The following STARD9 variants were observed in gnomAD, a reference collection of about 807,000 sequenced individuals.
STARD9 encodes the protein stAR-related lipid transfer protein 9.
A neutral mutation model predicts 399.8 loss-of-function variants in STARD9; 346 were observed. That is an observed-to-expected ratio of 0.87 (90% CI 0.79 to 0.95). The LOEUF (loss-of-function observed/expected upper bound fraction) is 0.95, where lower values mean the gene tolerates loss of function less well. Among genes scored for constraint, STARD9 ranks in the 40% least tolerant of loss-of-function variants. The pLI is 0.00. For synonymous variants in STARD9, 2,203 were observed against 2,143.5 expected, an observed-to-expected ratio of 1.03 and a Z score of -0.77; for missense variants, 5,832 against 5,667.5, an observed-to-expected ratio of 1.03 and a Z score of -0.93.
At chr15:42,587,597 G>T (rs558664059) in intron 3 of STARD9, among the ~76,000 whole-genome samples, 33 of 151,946 alleles carry the variant, frequency 2.2e-4, no homozygotes, top group African/African-American at 6.3e-4. Flanking sequence ...ATGGAGTTTC[G>T]CTCTTGTTGC....
intron 15 of STARD9, among the ~76,000 whole-genome samples, chr15:42,667,476 CTTGG>C: frequency 6.6e-6 from 1 of 151,190 alleles, no homozygotes; most frequent in East Asian, 2.0e-4. Flanking sequence ...AGCCACCGCA[CTTGG>C]CCTATTTTTT....
rs1017723078 is a variant in STARD9, at chr15:42,575,834, C to T, written c.47+72C>T. 5 of 1,456,456 alleles carry T rather than the reference C, an allele frequency of 3.4e-6. 1 individual carries two copies. The South Asian group carries it at 4.8e-5, about 14-fold the overall frequency. The allele number at this position is 1,456,456 out of a possible 1,614,324, so 90.2% of individuals were successfully genotyped here. On this transcript the variant is annotated intron_variant, in intron 1 of 32. Transcript: ENST00000290607. ...AAGAGCGGGAGGTCCGCGTCTCCCC[C>T]TGCAGAGATTCTGGCGCGCAGAAAT... is the stretch of plus-strand genomic sequence containing the variant.
At chr15:42,713,724 T>A (rs2061295227) in intron 26 of STARD9, among the ~76,000 whole-genome samples, 1 of 152,196 alleles carries the variant, frequency 6.6e-6, no homozygotes, top group Non-Finnish European at 1.5e-5. Flanking sequence ...GCCCTGTGTT[T>A]CTGTGATAAA....
At chr15:42,631,600 T>A (rs569971464) in intron 3 of STARD9, among the ~76,000 whole-genome samples, 1 of 152,104 alleles carries the variant, frequency 6.6e-6, no homozygotes, top group African/African-American at 2.4e-5. Flanking sequence ...AAAGAAATTT[T>A]AAAATTTTCT....
rs968973749 is a variant in STARD9 at position 42,694,286 on chromosome 15, G to A, written c.12708G>A (p.Gly4236=). ...TCCAGGTGCTGCAGAGTGGGACAGG[G>A]GAGGCGCTTGCTGCTGATGAACCTG... ...ALLQVLQSGT[G]EALAADEPVT... is the part of the protein sequence containing the mutation. Residue 4236 remains glycine, a synonymous_variant, in exon 23 of 33, where the codon GGG becomes GGA. Transcript: ENST00000290607. 6.6e-7 allele frequency: 1 copy of A among 1,519,252 alleles called. No homozygotes were observed. Among genetic ancestry groups the A allele is most frequent in the Non-Finnish European group, 8.8e-7 (1 of 1,137,514 alleles). 94.1% of individuals were successfully genotyped at this position (1,519,252 alleles called of 1,614,324 possible).
rs2060578045 is a variant in STARD9, at chr15:42,687,112, A to G, written c.5534A>G (p.Asp1845Gly). 1 of 1,537,250 alleles carries G rather than the reference A, an allele frequency of 6.5e-7. No homozygotes were observed. The highest frequency in any genetic ancestry group is 8.7e-7 in the Non-Finnish European group (1 of 1,146,922). The change falls in exon 23 of 33, where the codon GAT becomes GGT. Residue 1845 changes from aspartate (D) to glycine (G), a missense_variant. By Grantham distance (94) the Asp-to-Gly change is moderately conservative (BLOSUM62 -1). Coordinates refer to ENST00000290607, the MANE Select transcript of STARD9 (RefSeq NM_020759.3). ...CPGNITEESH[D>G]SVYSSVTQNR... The stretch of plus-strand genomic sequence containing the variant: ...GGAAATATTACAGAAGAAAGCCATG[A>G]TTCAGTTTATTCTTCTGTTACTCAG...
intron 3 of STARD9, among the ~76,000 whole-genome samples, chr15:42,605,433 G>T (rs1052365338): frequency 2.8e-4 from 42 of 152,292 alleles, no homozygotes; most frequent in South Asian, 1.0e-3. Flanking sequence ...AAGTCTAGGT[G>T]TCAAAATTAT....
chr15:42,710,218 C>T (rs1595821670), intron 26 of STARD9, among the ~76,000 whole-genome samples: 1 of 151,948 alleles, frequency 6.6e-6, no homozygotes, highest in East Asian at 1.9e-4. Context: ...CACCACCATG[C>T]CCGGGTACTT....
chr15:42,608,093 G>A (rs959125625), intron 3 of STARD9, among the ~76,000 whole-genome samples: 3 of 152,122 alleles, frequency 2.0e-5, no homozygotes, highest in Non-Finnish European at 4.4e-5. Context: ...CCTTTGTCCA[G>A]GGATATGGGC....
At chr15:42,616,989 C>T (rs1160915488) in intron 3 of STARD9, among the ~76,000 whole-genome samples, 1 of 151,574 alleles carries the variant, frequency 6.6e-6, no homozygotes, top group East Asian at 1.9e-4. Context: ...CTTTAAGGTG[C>T]TAAGAAGTAA....
At chr15:42,715,520 A>ATTTT (rs61683241) in intron 26 of STARD9, among the ~76,000 whole-genome samples, 1 of 143,744 alleles carries the variant, frequency 7.0e-6, no homozygotes, top group African/African-American at 2.6e-5. Context: ...GTCTTTACAA[A>ATTTT]TTTTTTTTTT....
rs569340011 is a variant in STARD9, at chr15:42,694,341, C to T, written c.12763C>T (p.Arg4255Trp). The change falls in exon 23 of 33, where the codon CGG (arginine) becomes TGG (tryptophan). Residue 4255 changes from arginine (R) to tryptophan (W), a missense_variant and splice_region_variant. Arg to Trp is a moderately radical substitution (Grantham distance 101). Around this residue, in one of 2 missense-constraint regions of STARD9, gnomAD observed 5,828 missense variants for 5,651.1 expected, o/e 1.03. Transcript: ENST00000290607. ...VTSTWKELYA[R>W]QKKAIETLRR... ...ATCCACCTGGAAGGAGCTCTATGCACGGTAAGGACCCCCAGCCTGGAGTCG... is the reference window on the plus strand; with the variant it reads ...ATCCACCTGGAAGGAGCTCTATGCATGGTAAGGACCCCCAGCCTGGAGTCG... 9.2e-6 allele frequency: 14 copies of T among 1,529,762 alleles called. No individual in the cohort carries two copies. Among genetic ancestry groups the T allele is most frequent in the Middle Eastern group, 3.4e-4 (2 of 5,948 alleles). 94.8% of individuals were successfully genotyped at this position (1,529,762 alleles called of 1,614,324 possible). A position where few individuals can be genotyped will look rare whatever the true frequency, so the allele number is the denominator to read the frequency against.
At position 42,686,875 on chromosome 15, in the gene STARD9, G is replaced by T. The variant is rs1160034489; in HGVS notation, c.5297G>T (p.Cys1766Phe). ...GAAACTGCCTTAGAGATTCCAGCTT[G>T]CAGAGAAGTAAGGGTACCCTCCCCA... is the stretch of plus-strand genomic sequence containing the variant. ...LTETALEIPA[C>F]REVRVPSPPP... The change falls in exon 23 of 33, where the codon TGC becomes TTC. Residue 1766 changes from cysteine to phenylalanine, a missense_variant. Cys to Phe is a radical substitution (Grantham distance 205). This residue lies in a region of STARD9 where 5,828 missense variants were observed against 5,651.1 expected (regional missense o/e 1.03). Transcript: ENST00000290607. The T allele has an allele frequency of 6.5e-7, 1 of 1,536,916 alleles. No individual in the cohort carries two copies. The highest frequency in any genetic ancestry group is 8.7e-7 in the Non-Finnish European group (1 of 1,146,906).
At position 42,633,389 on chromosome 15, in the gene STARD9, A is replaced by G. The variant is rs531242844; in HGVS notation, c.235-1467A>G. ...TCAGAGTTGTCACAGAATTGAAGGG[A>G]AAGTTGAAAAATGGGCAAGAAGGCA... On this transcript the variant is annotated intron_variant, in intron 3 of 32. Transcript: ENST00000290607. 7.7e-4 allele frequency among the ~76,000 whole-genome samples: 118 copies of G among 152,260 alleles called. 1 individual carries two copies. In the South Asian group the frequency reaches 0.018, roughly 24 times the overall value.
chr15:42,656,737 C>T (rs1256291878), intron 9 of STARD9, among the ~76,000 whole-genome samples: 6 of 152,118 alleles, frequency 3.9e-5, no homozygotes, highest in South Asian at 2.1e-4. Flanking sequence ...GAAAACCAAA[C>T]GTATCTTCTC....
chr15:42,674,779 T>A lies in STARD9; in HGVS notation c.1550-48T>A. 6.1e-6 allele frequency: 9 copies of A among 1,482,896 alleles called. No individual in the cohort carries two copies. In the South Asian group the frequency reaches 1.2e-4, roughly 20 times the overall value. The allele number at this position is 1,482,896 out of a possible 1,614,324, so 91.9% of individuals were successfully genotyped here. A position where few individuals can be genotyped will look rare whatever the true frequency, so the allele number is the denominator to read the frequency against. ...CTCACAGAAAGAAATGGAGAGGGTG[T>A]TTCCCTGCATCGTCCTCCCACCCAA... is the stretch of plus-strand genomic sequence containing the variant. On this transcript the variant is annotated intron_variant, in intron 17 of 32. Transcript: ENST00000290607.
chr15:42,585,398 A>G (rs145614658), intron 2 of STARD9, 123 bp from the exon 3 acceptor site: 60 of 557,628 alleles, frequency 1.1e-4, no homozygotes, highest in African/African-American at 7.5e-4. Flanking sequence ...TTTCAGGAAG[A>G]TAATATAAAC....
chr15:42,653,650 C>A (rs2059808189), intron 9 of STARD9, among the ~76,000 whole-genome samples: 1 of 151,928 alleles, frequency 6.6e-6, no homozygotes, highest in Non-Finnish European at 1.5e-5. Flanking sequence ...AAGAACATTC[C>A]CAGATTGGAA....
rs1231250943 is a variant in STARD9 at position 42,669,315 on chromosome 15, GTGT to G, written c.1479_1481del (p.Val494del). ...TTGGAGGATGATGTGCTCAGCACAG[GTGT>G]TGTGCTCTATCATCTCAAGGTGAGG... On this transcript the variant is annotated inframe_deletion, in exon 16 of 33. Coordinates refer to ENST00000290607, the MANE Select transcript of STARD9 (RefSeq NM_020759.3). The G allele has an allele frequency of 6.6e-7, 1 of 1,526,624 alleles. No individual in the cohort carries two copies. The highest frequency in any genetic ancestry group is 2.5e-5 in the East Asian group (1 of 40,592). 94.6% of individuals were successfully genotyped at this position (1,526,624 alleles called of 1,614,324 possible). A position where few individuals can be genotyped will look rare whatever the true frequency, so the allele number is the denominator to read the frequency against.
Sources: allele counts gnomAD v4.1 joint callset (sites outside exome capture counted in the v4.1 genomes callset), GRCh38; gene constraint gnomAD v4.1.1; regional missense constraint gnomAD v4.1.1; transcripts MANE v1.5; gene names NCBI Gene and HGNC (gene_info 2026-07-23, HGNC 2026-07-21).